MROH2A: variants seen among roughly 807,000 people sequenced by gnomAD.
The protein encoded by MROH2A is maestro heat like repeat family member 2A.
Under a neutral mutation model 200.4 loss-of-function variants are expected in MROH2A, and 174 were observed. That is an observed-to-expected ratio of 0.87 (90% CI 0.77 to 0.98). The LOEUF (loss-of-function observed/expected upper bound fraction) is 0.98, where lower values mean the gene tolerates loss of function less well. Ranked by LOEUF, MROH2A falls within the 50% of genes least tolerant of loss-of-function variation. The pLI is 0.00. For synonymous variants in MROH2A, 829 were observed against 840.4 expected, an observed-to-expected ratio of 0.99 and a Z score of 0.23; for missense variants, 2,045 against 2,139.6, an observed-to-expected ratio of 0.96 and a Z score of 0.87.
intron 1 of MROH2A, among the ~76,000 whole-genome samples, 159 bp downstream of exon 1, chr2:233,778,640 G>T (rs1042407653): frequency 6.6e-6 from 1 of 152,174 alleles, no homozygotes; most frequent in African/African-American, 2.4e-5. Context: ...CGACATCTAT[G>T]TTGGTGTTTC....
Position 233,809,283 on chromosome 2 carries a change from C to A in MROH2A, c.2448+5C>A. The stretch of plus-strand genomic sequence containing the variant: ...CATTATGTCAGCAGCTGCCAGGTAG[C>A]CCCATCTGCTGCCTGGGGGGATGTC... On this transcript the variant is annotated splice_donor_5th_base_variant and intron_variant, in intron 22 of 41. Transcript: ENST00000389758. The A allele has an allele frequency of 6.5e-7, 1 of 1,548,328 alleles. No homozygotes were observed. The highest frequency in any genetic ancestry group is 8.7e-7 in the Non-Finnish European group (1 of 1,145,120).
At chr2:233,825,143 A>G (rs1704221101) in intron 35 of MROH2A, among the ~76,000 whole-genome samples, 1 of 152,082 alleles carries the variant, frequency 6.6e-6, no homozygotes, top group Non-Finnish European at 1.5e-5. Flanking sequence ...AGTGTGTAGG[A>G]ATGCTTGTGA....
intron 3 of MROH2A, among the ~76,000 whole-genome samples, chr2:233,787,167 T>A (rs1041198072): frequency 1.3e-5 from 2 of 152,088 alleles, no homozygotes; most frequent in Admixed American, 1.3e-4. Context: ...CTTGTGACTA[T>A]AAATATTCTC....
At chr2:233,805,364 C>A (rs147065994) in intron 19 of MROH2A, among the ~76,000 whole-genome samples, 1 of 152,138 alleles carries the variant, frequency 6.6e-6, no homozygotes, top group Non-Finnish European at 1.5e-5. Context: ...CAAAACTATA[C>A]CACATTGCTA....
At chr2:233,789,668 C>A (rs781554101) in intron 4 of MROH2A, 40 bp downstream of exon 4, 18 of 1,445,668 alleles carry the variant, frequency 1.2e-5, no homozygotes, top group Non-Finnish European at 1.6e-5. Flanking sequence ...CCTCTGCCAG[C>A]CCAGGAGCTG....
rs145684149 is a variant in MROH2A at position 233,779,560 on chromosome 2, A to G, written c.94+108A>G. On this transcript the variant is annotated intron_variant, in intron 2 of 41. Transcript: ENST00000389758. ...TTTCTCCATCTGCACAGTGGACATC[A>G]TACCACACATGAAGCTGGAGCTGCG... 54 of 1,394,130 alleles carry G rather than the reference A, an allele frequency of 3.9e-5. 1 individual carries two copies. Among genetic ancestry groups the G allele is most frequent in the Non-Finnish European group, 5.2e-5 (52 of 1,009,270 alleles). The allele number at this position is 1,394,130 out of a possible 1,614,324, so 86.4% of individuals were successfully genotyped here.
chr2:233,788,799 C>T (rs1054682883), intron 3 of MROH2A, among the ~76,000 whole-genome samples: 5 of 151,824 alleles, frequency 3.3e-5, no homozygotes, highest in Admixed American at 2.6e-4. Flanking sequence ...ATTAGCCGGG[C>T]GTGGTGGCGG....
At position 233,814,584 on chromosome 2, in the gene MROH2A, C is replaced by A; in HGVS notation, c.2763C>A (p.Thr921=). ...LPGEDNESIK[T]LYANALSSLE... ...CTCTCTCTCCCTCTTGGCTGTAGAC[C>A]CTGTATGCAAATGCCCTGAGCTCCC... is the stretch of plus-strand genomic sequence containing the variant. Residue 921 remains threonine (T), a splice_region_variant and synonymous_variant, in exon 26 of 42, where the codon ACC becomes ACA. Transcript: ENST00000389758. 1.3e-6 allele frequency: 2 copies of A among 1,549,922 alleles called. No homozygotes were observed. Among genetic ancestry groups the A allele is most frequent in the Non-Finnish European group, 1.7e-6 (2 of 1,146,582 alleles).
chr2:233,780,423 A>C (rs975181517), intron 3 of MROH2A, among the ~76,000 whole-genome samples: 27 of 152,218 alleles, frequency 1.8e-4, no homozygotes, highest in Admixed American at 1.8e-3. Context: ...ACAAGTTCCC[A>C]GGTGATGCCA....
In MROH2A at chr2:233,822,276, C is replaced by T. The variant is rs1576005060; in HGVS notation, c.3665C>T (p.Pro1222Leu). 1 of 1,547,618 alleles carries T rather than the reference C, an allele frequency of 6.5e-7. No homozygotes were observed. The highest frequency in any genetic ancestry group is 2.4e-5 in the East Asian group (1 of 40,902). The change falls in exon 32 of 42, where the codon CCC (proline) becomes CTC (leucine). Residue 1222 changes from proline (P) to leucine (L), a missense_variant. By Grantham distance (98) the Pro-to-Leu change is moderately conservative. Transcript: ENST00000389758. ...ATCTGGCGCCTGGCTGCGGTGGACC[C>T]CCTGATGGTGAGTTGCAGGCGCAGG... ...ADIWRLAAVD[P>L]LMTLCTIHLL...
At chr2:233,796,550 C>G (rs1013805678) in intron 11 of MROH2A, among the ~76,000 whole-genome samples, 5 of 152,128 alleles carry the variant, frequency 3.3e-5, no homozygotes, top group Admixed American at 6.5e-5. Context: ...CCGAATCCTC[C>G]TGCTAACCTC....
At position 233,779,867 on chromosome 2, in the gene MROH2A, C is replaced by T; in HGVS notation, c.276+15C>T. On this transcript the variant is annotated intron_variant, in intron 3 of 41. Coordinates refer to ENST00000389758, the MANE Select transcript of MROH2A (RefSeq NM_001394639.1). ...AGGTGCCAGAGGTAGGGCCATCTTA[C>T]CCACTGGGCTCAGCCACCTTTAGCT... The T allele has an allele frequency of 6.5e-7, 1 of 1,545,950 alleles. No homozygotes were observed. The highest frequency in any genetic ancestry group is 8.7e-7 in the Non-Finnish European group (1 of 1,144,780).
At chr2:233,817,240 G>T (rs1386862125) in intron 27 of MROH2A, among the ~76,000 whole-genome samples, 9 of 152,286 alleles carry the variant, frequency 5.9e-5, no homozygotes, top group African/African-American at 1.4e-4. Context: ...GACAAGTACC[G>T]CAACCCTTAA....
rs1432035437 is a variant in MROH2A, at chr2:233,816,882, C to G, written c.2958C>G (p.Val986=). Residue 986 remains valine (V), a synonymous_variant, in exon 27 of 42, where the codon GTC becomes GTG. Transcript: ENST00000389758. ...LMWIYVHSTA[V]CIHLKLGQFG... is the part of the protein sequence containing the mutation. ...GGATTTATGTCCACAGCACTGCTGT[C>G]TGTGTGAGTCCAGGAGTCCCCAGCC... 3.3e-6 allele frequency: 5 copies of G among 1,533,890 alleles called. No individual in the cohort carries two copies. The highest frequency in any genetic ancestry group is 1.2e-5 in the South Asian group (1 of 83,592).
Position 233,833,102 on chromosome 2 carries a change from G to A in MROH2A, c.4904-36G>A, listed in dbSNP as rs2270855. 2.0e-4 allele frequency: 304 copies of A among 1,508,678 alleles called. 1 individual carries two copies. The East Asian group carries it at 6.7e-3, about 33-fold the overall frequency. 93.5% of individuals were successfully genotyped at this position (1,508,678 alleles called of 1,614,324 possible). A position where few individuals can be genotyped will look rare whatever the true frequency, so the allele number is the denominator to read the frequency against. ...ATGCAGCATGTGGTCCTGACTGGGC[G>A]GGGCCTGAACCTTCCCTCTTTGTGT... On this transcript the variant is annotated intron_variant, in intron 41 of 41. Transcript: ENST00000389758.
Position 233,818,002 on chromosome 2 carries a change from A to T in MROH2A, c.2962A>T (p.Ile988Phe). The change falls in exon 28 of 42, where the codon ATC (isoleucine) becomes TTC (phenylalanine). Residue 988 changes from isoleucine to phenylalanine, a missense_variant and splice_region_variant. Ile to Phe is a conservative substitution (Grantham distance 21). Transcript: ENST00000389758. ...AGCCCCACGGTCTCCTGTCCCTCAG[A>T]TCCACCTAAAGCTGGGGCAGTTTGG... ...WIYVHSTAVC[I>F]HLKLGQFGTM... The T allele has an allele frequency of 2.6e-6, 4 of 1,550,892 alleles. No homozygotes were observed. The highest frequency in any genetic ancestry group is 3.5e-6 in the Non-Finnish European group (4 of 1,147,056).
Position 233,794,616 on chromosome 2 carries a change from C to A in MROH2A, c.966+110C>A, listed in dbSNP as rs541945782. The stretch of plus-strand genomic sequence containing the variant: ...CGGGGGGATGTCAGATATTTTGACA[C>A]TGTGTCAGGAACCCGACATCTGTGC... On this transcript the variant is annotated intron_variant, in intron 8 of 41. Coordinates refer to ENST00000389758, the MANE Select transcript of MROH2A (RefSeq NM_001394639.1). The A allele has an allele frequency of 1.1e-4, 74 of 646,062 alleles. No individual in the cohort carries two copies. In the Middle Eastern group the frequency reaches 1.2e-3, roughly 11 times the overall value. The allele number at this position is 646,062 out of a possible 1,614,324, so 40.0% of individuals were successfully genotyped here.
intron 40 of MROH2A, 36 bp from the exon 41 acceptor site, chr2:233,832,543 C>T: frequency 6.9e-7 from 1 of 1,440,550 alleles, no homozygotes; most frequent in South Asian, 1.2e-5. Flanking sequence ...TGACCTAATA[C>T]TCGCGTGATG....
intron 35 of MROH2A, among the ~76,000 whole-genome samples, chr2:233,827,709 T>G (rs2124910495): frequency 6.6e-6 from 1 of 152,190 alleles, no homozygotes; most frequent in Non-Finnish European, 1.5e-5. Context: ...TTCCTGCACA[T>G]GTACCCCAGA....
Sources: gnomAD v4.1 joint callset for allele counts (sites outside exome capture counted in the v4.1 genomes callset) on GRCh38, gnomAD v4.1.1 for gene constraint, MANE v1.5 for transcripts, NCBI Gene and HGNC (gene_info 2026-07-23, HGNC 2026-07-21) for gene names.